Variants in NAV2 observed in about 807,000 individuals in gnomAD.
NAV2 encodes the protein helicase, APC down-regulated 1.
A neutral mutation model predicts 223.2 loss-of-function variants in NAV2; 54 were observed. That is an observed-to-expected ratio of 0.24 (90% CI 0.19 to 0.30). The LOEUF (loss-of-function observed/expected upper bound fraction) is 0.30, where lower values mean the gene tolerates loss of function less well. NAV2 is among the 10% of genes least tolerant of loss of function. The pLI, the probability that NAV2 is intolerant of heterozygous loss-of-function variation, is 1.00. For synonymous variants in NAV2, 1,279 were observed against 1,239.3 expected (o/e 1.03, Z -0.67); for missense variants, 2,806 against 3,147.5 (o/e 0.89, Z 2.60).
At chr11:20,107,876 C>T in intron 36 of NAV2, 94 bp downstream of exon 36, 1 of 874,708 alleles carries the variant, frequency 1.1e-6, no homozygotes, top group South Asian at 1.5e-5. Context: ...AGGAATCTGA[C>T]TGACATGGGG....
chr11:19,468,400 G>A (rs1265539378), intron 1 of NAV2, among the ~76,000 whole-genome samples: 3 of 152,178 alleles, frequency 2.0e-5, no homozygotes, highest in African/African-American at 7.2e-5. Context: ...CTAGGGGAGG[G>A]TCTTTCCTTG....
chr11:19,549,929 G>C (rs896178250), intron 1 of NAV2, among the ~76,000 whole-genome samples: 27 of 152,238 alleles, frequency 1.8e-4, no homozygotes, highest in Non-Finnish European at 2.9e-4. Context: ...ATTAACAGGA[G>C]AGCAAAAGAA....
chr11:19,367,195 C>T (rs114307030), intron 1 of NAV2, among the ~76,000 whole-genome samples: 243 of 152,282 alleles, frequency 1.6e-3, no homozygotes, highest in African/African-American at 5.6e-3. Context: ...CAAGAACAAC[C>T]GTCACAGTGA....
intron 1 of NAV2, among the ~76,000 whole-genome samples, chr11:19,776,675 T>TGTGTGTGTGTGTGG (rs2056233726): frequency 1.4e-5 from 2 of 146,696 alleles, no homozygotes; most frequent in Non-Finnish European, 3.0e-5. Flanking sequence ...TGTGTGTGTG[T>TGTGTGTGTGTGTGG]GGTTAGAGTT....
intron 1 of NAV2, among the ~76,000 whole-genome samples, chr11:19,602,173 CT>C (rs1204696986): frequency 0.019 from 2,201 of 116,216 alleles, 32 homozygotes; most frequent in African/African-American, 0.068. Context: ...CTCTACAAGT[CT>C]TTTTTTTTTT....
intron 11 of NAV2, among the ~76,000 whole-genome samples, chr11:19,990,448 C>T (rs1257841481): frequency 6.6e-6 from 1 of 152,110 alleles, no homozygotes; most frequent in Non-Finnish European, 1.5e-5. Flanking sequence ...AGGTTCTCTA[C>T]CCAGAGCTTG....
intron 1 of NAV2, among the ~76,000 whole-genome samples, chr11:19,507,658 G>C (rs1404524766): frequency 6.6e-6 from 1 of 152,164 alleles, no homozygotes; most frequent in Non-Finnish European, 1.5e-5. Context: ...TCAGTTTCTG[G>C]AGCATTATAG....
intron 1 of NAV2, among the ~76,000 whole-genome samples, chr11:19,531,143 G>C (rs1410446593): frequency 6.6e-6 from 1 of 152,228 alleles, no homozygotes; most frequent in African/African-American, 2.4e-5. Context: ...GACTATGCTA[G>C]AGAGTAGGGA....
intron 1 of NAV2, among the ~76,000 whole-genome samples, chr11:19,413,811 T>C (rs917008532): frequency 2.0e-5 from 3 of 152,194 alleles, no homozygotes; most frequent in Non-Finnish European, 4.4e-5. Context: ...CAGAATTTCA[T>C]ATCCAGCCAA....
chr11:19,908,841 TTG>T (rs2043085491), intron 6 of NAV2, among the ~76,000 whole-genome samples: 1 of 151,850 alleles, frequency 6.6e-6, no homozygotes, highest in Non-Finnish European at 1.5e-5. Context: ...AAAAATAGAT[TTG>T]TGGTTGCTAG....
intron 1 of NAV2, among the ~76,000 whole-genome samples, chr11:19,555,809 C>A (rs2044865980): frequency 6.6e-6 from 1 of 152,204 alleles, no homozygotes; most frequent in Non-Finnish European, 1.5e-5. Flanking sequence ...TCCCATGGTG[C>A]CTGGAAGAAG....
chr11:20,001,491 C>G (rs1334968976), intron 11 of NAV2, among the ~76,000 whole-genome samples: 1 of 152,052 alleles, frequency 6.6e-6, no homozygotes, highest in African/African-American at 2.4e-5. Context: ...GATGGGTTAT[C>G]TCTCTCCATC....
At chr11:19,504,708 G>A (rs1048960342) in intron 1 of NAV2, among the ~76,000 whole-genome samples, 10 of 152,212 alleles carry the variant, frequency 6.6e-5, no homozygotes, top group African/African-American at 1.9e-4. Context: ...AACCAACAGT[G>A]CTTTCTGACC....
At chr11:19,670,771 C>T (rs1285161120) in intron 1 of NAV2, among the ~76,000 whole-genome samples, 1 of 152,214 alleles carries the variant, frequency 6.6e-6, no homozygotes, top group East Asian at 1.9e-4. Context: ...CTTGCGGGCA[C>T]CTCTGAGCCC....
At position 20,097,778 on chromosome 11, in the gene NAV2, C is replaced by T. The variant is rs555688541; in HGVS notation, c.6181+33C>T. The T allele has an allele frequency of 7.8e-6, 12 of 1,530,218 alleles. No homozygotes were observed. In the South Asian group the frequency reaches 1.2e-4, roughly 15 times the overall value. 94.8% of individuals were successfully genotyped at this position (1,530,218 alleles called of 1,614,324 possible). On this transcript the variant is annotated intron_variant, in intron 31 of 37. Transcript: ENST00000349880. ...AGCTTGTTGCAGAAGTCGGAGCTTT[C>T]AGGAATTGCAGTGTTTGTTTTGTGA...
In NAV2 at chr11:19,933,415, A is replaced by T. The variant is rs753396914; in HGVS notation, c.1171A>T (p.Met391Leu). The change falls in exon 7 of 38, where the codon ATG (methionine) becomes TTG (leucine). Residue 391 changes from methionine (M) to leucine (L), a missense_variant. By Grantham distance (15) the Met-to-Leu change is conservative. Transcript: ENST00000349880. The surrounding 1 kb of genome is among the most constrained non-coding windows in gnomAD (Gnocchi z 4.3). ...GGCCCCCAGGCCCACACCTGAAGCC[A>T]TGAAGCCGGCCCCCAACAATCAGAA... ...PEAPRPTPEA[M>L]KPAPNNQKSM... The T allele has an allele frequency of 5.7e-6, 9 of 1,581,876 alleles. No individual in the cohort carries two copies. The African/African-American group carries it at 1.1e-4, about 19-fold the overall frequency.
In NAV2 at chr11:20,077,647, A is replaced by G; in HGVS notation, c.5067+12A>G. The G allele has an allele frequency of 6.2e-7, 1 of 1,607,916 alleles. No individual in the cohort carries two copies. Among genetic ancestry groups the G allele is most frequent in the Non-Finnish European group, 8.5e-7 (1 of 1,174,402 alleles). On this transcript the variant is annotated intron_variant, in intron 23 of 37. Coordinates refer to ENST00000349880, the MANE Select transcript of NAV2 (RefSeq NM_145117.5). ...CAGCTGAGCAGAAGGTAAGGCAGAA[A>G]GGATACTTTAACCCTCCCTACTTGG... is the stretch of plus-strand genomic sequence containing the variant.
At chr11:19,780,697 G>C (rs1448519803) in intron 1 of NAV2, among the ~76,000 whole-genome samples, 1 of 152,224 alleles carries the variant, frequency 6.6e-6, no homozygotes, top group East Asian at 1.9e-4. Flanking sequence ...GGAAAAAAAT[G>C]TATCCGGATT....
intron 6 of NAV2, among the ~76,000 whole-genome samples, chr11:19,895,219 A>G (rs2041878223): frequency 6.9e-6 from 1 of 144,380 alleles, no homozygotes; most frequent in South Asian, 2.2e-4. Flanking sequence ...AGTGTGCAAC[A>G]CCATGCCCAG....
Sources: allele counts gnomAD v4.1 joint callset (sites outside exome capture counted in the v4.1 genomes callset), GRCh38; gene constraint gnomAD v4.1.1; non-coding constraint Gnocchi (gnomAD v3.1); transcripts MANE v1.5; gene names NCBI Gene and HGNC (gene_info 2026-07-23, HGNC 2026-07-21).